The following BBX variants were observed in gnomAD, a reference collection of about 807,000 sequenced individuals.
BBX encodes BBX high mobility group box domain containing, also known as HMG box transcription factor BBX.
Under a neutral mutation model 100.2 loss-of-function variants are expected in BBX, and 30 were observed. The observed-to-expected ratio is 0.30, with a 90% CI of 0.22 to 0.41. The LOEUF is 0.41. BBX is among the 10% of genes least tolerant of loss of function. The probability of loss-of-function intolerance (pLI) is 1.00; values close to 1 mark genes in which losing one functional copy is unlikely to be tolerated. For missense variants in BBX, 1,023 were observed against 1,129.8 expected, an observed-to-expected ratio of 0.91 and a Z score of 1.35; for synonymous variants, 376 against 388.1, an observed-to-expected ratio of 0.97 and a Z score of 0.37.
rs1364645153 is a variant in BBX, at chr3:107,778,358, C to T, written c.2055-13C>T. On this transcript the variant is annotated splice_polypyrimidine_tract_variant and intron_variant, in intron 12 of 17. Coordinates refer to ENST00000325805, the MANE Select transcript of BBX (RefSeq NM_001142568.3). ...GTCATGTGCTGATTGATTCCCCTCTCCCCTTTTAATAGCTCCGCAAAGCTG... is the reference window on the plus strand; with the variant it reads ...GTCATGTGCTGATTGATTCCCCTCTTCCCTTTTAATAGCTCCGCAAAGCTG... 3.1e-6 allele frequency: 5 copies of T among 1,612,838 alleles called. No individual in the cohort carries two copies. The highest frequency in any genetic ancestry group is 2.7e-5 in the African/African-American group (2 of 74,772).
At chr3:107,659,130 T>C (rs2058305745) in intron 3 of BBX, among the ~76,000 whole-genome samples, 1 of 151,882 alleles carries the variant, frequency 6.6e-6, no homozygotes, top group African/African-American at 2.4e-5. Flanking sequence ...TTAATAGTAT[T>C]ATATATATTT....
intron 2 of BBX, among the ~76,000 whole-genome samples, chr3:107,613,033 C>T (rs1027937629): frequency 1.3e-5 from 2 of 152,068 alleles, no homozygotes; most frequent in Admixed American, 1.3e-4. Context: ...ACCACCACCA[C>T]AGACCCATGG....
chr3:107,545,285 A>G (rs2049151698), intron 2 of BBX, among the ~76,000 whole-genome samples: 1 of 152,236 alleles, frequency 6.6e-6, no homozygotes, highest in Admixed American at 6.5e-5. Context: ...CCCTTTATCC[A>G]TCATTAAAAG....
At chr3:107,744,609 T>C in intron 7 of BBX, 21 bp from the exon 8 acceptor site, 1 of 1,594,356 alleles carries the variant, frequency 6.3e-7, no homozygotes, top group Non-Finnish European at 8.6e-7. Flanking sequence ...AAAGAAAATA[T>C]GATATCTTTC....
intron 2 of BBX, among the ~76,000 whole-genome samples, chr3:107,538,913 T>C (rs2048689274): frequency 6.6e-6 from 1 of 152,072 alleles, no homozygotes; most frequent in South Asian, 2.1e-4. Context: ...GCTTCCAAGC[T>C]GGGACCACAG....
At chr3:107,723,415 AT>A (rs201863062) in intron 5 of BBX, among the ~76,000 whole-genome samples, 36 of 151,496 alleles carry the variant, frequency 2.4e-4, no homozygotes, top group South Asian at 2.1e-3. Flanking sequence ...TATTTTTTTA[AT>A]TTTTTTTATT....
At position 107,642,452 on chromosome 3, in the gene BBX, C is replaced by G. The variant is rs144883051; in HGVS notation, c.-83-3384C>G. Among the ~76,000 whole-genome samples the G allele has an allele frequency of 6.6e-3, 998 of 152,242 alleles. 14 individuals carry two copies. The highest frequency in any genetic ancestry group is 0.022 in the African/African-American group (916 of 41,540). On this transcript the variant is annotated intron_variant, in intron 2 of 17. Coordinates refer to ENST00000325805, the MANE Select transcript of BBX (RefSeq NM_001142568.3). ...TAAAATGGAAATTGGAATACAGTAC[C>G]TACTGACGAAATGGAGGAAGCCAGC...
intron 3 of BBX, among the ~76,000 whole-genome samples, chr3:107,687,241 C>T (rs936555688): frequency 2.0e-5 from 3 of 151,874 alleles, no homozygotes; most frequent in African/African-American, 4.8e-5. Flanking sequence ...TAATGGAGGG[C>T]AGTTTGCATA....
chr3:107,793,508 A>G (rs1025630149), intron 15 of BBX, among the ~76,000 whole-genome samples: 10 of 152,062 alleles, frequency 6.6e-5, no homozygotes, highest in African/African-American at 9.7e-5. Flanking sequence ...ACTATCTCCA[A>G]CATTTACTTG....
chr3:107,625,189 A>G (rs2056077720), intron 2 of BBX, among the ~76,000 whole-genome samples: 1 of 152,046 alleles, frequency 6.6e-6, no homozygotes, highest in African/African-American at 2.4e-5. Context: ...CTGTAATTTT[A>G]TACTTTTATC....
intron 3 of BBX, among the ~76,000 whole-genome samples, chr3:107,649,708 T>C (rs1449078542): frequency 6.6e-6 from 1 of 152,214 alleles, no homozygotes; most frequent in Non-Finnish European, 1.5e-5. Flanking sequence ...TTGTCCTGAA[T>C]GCATAAGAAC....
At chr3:107,716,990 C>G in intron 5 of BBX, 141 bp downstream of exon 5, 1 of 1,103,308 alleles carries the variant, frequency 9.1e-7, no homozygotes, top group Non-Finnish European at 1.3e-6. Flanking sequence ...AACATAACCG[C>G]TTTCTTTGTA....
At chr3:107,733,086 C>A in intron 7 of BBX, 63 bp downstream of exon 7, 2 of 1,416,024 alleles carry the variant, frequency 1.4e-6, no homozygotes, top group Non-Finnish European at 2.0e-6. Flanking sequence ...CAGTTATAGT[C>A]TGTTTACGTT....
At chr3:107,596,733 A>G (rs1269082015) in intron 2 of BBX, among the ~76,000 whole-genome samples, 1 of 152,230 alleles carries the variant, frequency 6.6e-6, no homozygotes, top group African/African-American at 2.4e-5. Flanking sequence ...AAGATGGGAA[A>G]GAGTTCCCCA....
chr3:107,776,539 A>C (rs1385722514), intron 12 of BBX, among the ~76,000 whole-genome samples: 1 of 152,152 alleles, frequency 6.6e-6, no homozygotes, highest in East Asian at 1.9e-4. Context: ...ACGCCAGTAT[A>C]ATACTTAAGC....
rs746723627 is a variant in BBX, at chr3:107,710,452, G to A, written c.-9G>A. ...TTCTCTCTCTCTCTTCCTATTACAG[G>A]TCACAGTAATGAAAGGCAGTAATAG... On this transcript the variant is annotated splice_region_variant and 5_prime_UTR_variant, in exon 4 of 18. Coordinates refer to ENST00000325805, the MANE Select transcript of BBX (RefSeq NM_001142568.3). 1 of 1,606,248 alleles carries A rather than the reference G, an allele frequency of 6.2e-7. No homozygotes were observed. The highest frequency in any genetic ancestry group is 1.1e-5 in the South Asian group (1 of 89,932).
intron 2 of BBX, among the ~76,000 whole-genome samples, chr3:107,618,101 A>G (rs2055433290): frequency 2.0e-5 from 3 of 152,026 alleles, no homozygotes; most frequent in African/African-American, 4.8e-5. Flanking sequence ...GTGTTGAATT[A>G]TATCTAATAT....
intron 2 of BBX, among the ~76,000 whole-genome samples, chr3:107,570,896 G>T (rs956849823): frequency 2.0e-5 from 3 of 152,144 alleles, no homozygotes; most frequent in Non-Finnish European, 4.4e-5. Context: ...GTGTAGTAAA[G>T]AATGCCTGGA....
At chr3:107,582,857 C>T (rs922906861) in intron 2 of BBX, among the ~76,000 whole-genome samples, 8 of 151,780 alleles carry the variant, frequency 5.3e-5, no homozygotes, top group African/African-American at 1.7e-4. Context: ...TTTTTGATAA[C>T]TCAAAATCAT....
Sources: gnomAD v4.1 joint callset for allele counts (sites outside exome capture counted in the v4.1 genomes callset) on GRCh38, gnomAD v4.1.1 for gene constraint, MANE v1.5 for transcripts, NCBI Gene and HGNC (gene_info 2026-07-23, HGNC 2026-07-21) for gene names.